The following ABHD18 variants were observed in gnomAD, a reference collection of about 807,000 sequenced individuals.
The protein encoded by ABHD18 is abhydrolase domain containing 18.
In ABHD18, 55 loss-of-function variants were observed where a neutral mutation model predicts 65.9. The ratio of observed to expected loss-of-function variants is 0.84; its 90% CI spans 0.67 to 1.05. The LOEUF (loss-of-function observed/expected upper bound fraction) is 1.05, where lower values mean the gene tolerates loss of function less well. Ranked by LOEUF, ABHD18 falls within the 50% of genes least tolerant of loss-of-function variation. The probability of loss-of-function intolerance (pLI) is 0.00; values close to 1 mark genes in which losing one functional copy is unlikely to be tolerated. For synonymous variants in ABHD18, 181 were observed against 180.2 expected, an observed-to-expected ratio of 1.00 and a Z score of -0.04; for missense variants, 533 against 558.5, an observed-to-expected ratio of 0.95 and a Z score of 0.46.
intron 12 of ABHD18, 45 bp downstream of exon 12, chr4:128,030,717 T>C: frequency 6.6e-7 from 1 of 1,505,414 alleles, no homozygotes; most frequent in Non-Finnish European, 8.8e-7. Context: ...TTGTTGTTTG[T>C]TTTCTGGATT....
At chr4:127,988,664 A>G (rs1328200928) in intron 3 of ABHD18, among the ~76,000 whole-genome samples, 1 of 152,250 alleles carries the variant, frequency 6.6e-6, no homozygotes, top group East Asian at 1.9e-4. Flanking sequence ...AACCAGGTAT[A>G]TGAAAAAAAT....
At chr4:127,993,129 T>G (rs894020058) in intron 4 of ABHD18, among the ~76,000 whole-genome samples, 1 of 152,142 alleles carries the variant, frequency 6.6e-6, no homozygotes, top group Non-Finnish European at 1.5e-5. Context: ...TTAGCCAGTA[T>G]GCTAAAGGAT....
intron 4 of ABHD18, among the ~76,000 whole-genome samples, chr4:127,998,324 C>G (rs1335450116): frequency 2.8e-5 from 4 of 144,002 alleles, no homozygotes; most frequent in Non-Finnish European, 6.0e-5. Flanking sequence ...GCTCTGTCGC[C>G]GAGGCTGGAG....
At chr4:127,992,678 G>A (rs1190343566) in intron 4 of ABHD18, among the ~76,000 whole-genome samples, 3 of 151,950 alleles carry the variant, frequency 2.0e-5, no homozygotes, top group Non-Finnish European at 4.4e-5. Context: ...AGTTGGGACT[G>A]TAGACTGATG....
rs1353183446 is a variant in ABHD18 at position 128,030,621 on chromosome 4, A to G, written c.1292A>G (p.Tyr431Cys). ...QEIWPGCEIRYLEGGHISAYL... is the reference protein window; with the variant it reads ...QEIWPGCEIRCLEGGHISAYL... ...ATTTGGCCTGGTTGTGAAATCCGAT[A>G]CTTAGAAGGGGGTCATATTAGTGCT... Residue 431 changes from tyrosine (Y) to cysteine (C), a missense_variant, in exon 12 of 13, where the codon TAC becomes TGC. Physicochemically the swap from Tyr to Cys is radical, Grantham distance 194. Coordinates refer to ENST00000645843, the MANE Select transcript of ABHD18 (RefSeq NM_001358451.3). 2.5e-6 allele frequency: 4 copies of G among 1,607,058 alleles called. No homozygotes were observed. The highest frequency in any genetic ancestry group is 3.4e-6 in the Non-Finnish European group (4 of 1,178,798).
intron 7 of ABHD18, among the ~76,000 whole-genome samples, chr4:128,013,420 G>A (rs755168341): frequency 1.1e-4 from 16 of 152,178 alleles, no homozygotes; most frequent in Non-Finnish European, 2.2e-4. Context: ...AAAGTTCTGG[G>A]CCGGGCGCAG....
In ABHD18 at chr4:128,039,472, A is replaced by C. The variant is rs1057435637; in HGVS notation, c.*3659A>C. On this transcript the variant is annotated 3_prime_UTR_variant, in exon 13 of 13. Coordinates refer to ENST00000645843, the MANE Select transcript of ABHD18 (RefSeq NM_001358451.3). ...TCCTGCTCAGCCCTGAAGACCTCTA[A>C]GTTTGAGACCCCTGATTTAGATCTG... 9.2e-5 allele frequency: 14 copies of C among 152,078 alleles called. No individual in the cohort carries two copies. The highest frequency in any genetic ancestry group is 5.9e-4 in the Admixed American group (9 of 15,220). 9.4% of individuals were successfully genotyped at this position (152,078 alleles called of 1,614,324 possible).
intron 3 of ABHD18, among the ~76,000 whole-genome samples, chr4:127,984,639 C>T (rs1036795371): frequency 6.6e-6 from 1 of 152,024 alleles, no homozygotes; most frequent in African/African-American, 2.4e-5. Context: ...GGGTGGATCA[C>T]CTGAGGTTGG....
At chr4:127,975,314 T>TC (rs1339443232) in intron 1 of ABHD18, among the ~76,000 whole-genome samples, 1 of 151,992 alleles carries the variant, frequency 6.6e-6, no homozygotes. Flanking sequence ...CCTTTTCCCA[T>TC]CCCCCCAGTA....
At chr4:127,984,038 AG>A (rs201174277) in intron 2 of ABHD18, among the ~76,000 whole-genome samples, 6,650 of 142,852 alleles carry the variant, frequency 0.047, 212 homozygotes, top group Non-Finnish European at 0.078. Context: ...CTCCGTCTCA[AG>A]GGGGAAAAAA....
At position 127,991,293 on chromosome 4, in the gene ABHD18, T is replaced by C. The variant is rs535101244; in HGVS notation, c.278+1472T>C. Among the ~76,000 whole-genome samples, 3 of 152,272 alleles carry C rather than the reference T, an allele frequency of 2.0e-5. No individual in the cohort carries two copies. In the South Asian group the frequency reaches 6.2e-4, roughly 32 times the overall value. ...GTTGCCTAGGCTAGATGGAGAGCAG[T>C]GGTGCTCACTGCACCCTCCGCCTCC... On this transcript the variant is annotated intron_variant, in intron 4 of 12. Coordinates refer to ENST00000645843, the MANE Select transcript of ABHD18 (RefSeq NM_001358451.3).
intron 1 of ABHD18, among the ~76,000 whole-genome samples, chr4:127,970,859 G>A (rs1434046089): frequency 6.6e-6 from 1 of 151,944 alleles, no homozygotes; most frequent in Non-Finnish European, 1.5e-5. Context: ...TGGATCACCT[G>A]AGGCCAGGAG....
intron 2 of ABHD18, 92 bp downstream of exon 2, chr4:127,983,139 C>A: frequency 1.3e-6 from 1 of 785,254 alleles, no homozygotes; most frequent in South Asian, 1.8e-5. Context: ...CTCTCAAATA[C>A]AGAGCAATTG....
At chr4:127,995,780 A>G (rs186156785) in intron 4 of ABHD18, among the ~76,000 whole-genome samples, 231 of 152,318 alleles carry the variant, frequency 1.5e-3, no homozygotes, top group Non-Finnish European at 2.7e-3. Context: ...GTTTTTGCCA[A>G]TATTTTAAAA....
intron 6 of ABHD18, among the ~76,000 whole-genome samples, chr4:128,010,922 A>C (rs1754423999): frequency 6.6e-6 from 1 of 151,436 alleles, no homozygotes; most frequent in South Asian, 2.1e-4. Flanking sequence ...AAAAAAAAAA[A>C]CCGTGGATAA....
intron 4 of ABHD18, among the ~76,000 whole-genome samples, chr4:128,004,955 G>A (rs749851674): frequency 7.3e-5 from 11 of 151,524 alleles, no homozygotes; most frequent in African/African-American, 1.9e-4. Flanking sequence ...GAGGCCAGGC[G>A]CAGTGGCTCA....
At chr4:128,011,730 T>C in intron 7 of ABHD18, 30 bp downstream of exon 7, 1 of 1,511,394 alleles carries the variant, frequency 6.6e-7, no homozygotes, top group Non-Finnish European at 8.9e-7. Context: ...ATTTTTGCAG[T>C]CTTTTTACCC....
At chr4:127,970,052 AT>A (rs940685749) in intron 1 of ABHD18, among the ~76,000 whole-genome samples, 161 of 144,616 alleles carry the variant, frequency 1.1e-3, no homozygotes, top group Non-Finnish European at 1.1e-3. Flanking sequence ...CCTGGCCAGG[AT>A]TTTTTTTTTT....
chr4:127,983,029 G>T lies in ABHD18; in HGVS notation c.74G>T (p.Arg25Met). ...AAACTTTTTATCAGAGGATGGGGAA[G>T]GCCAGAAGATCTCAAAAGGCAAGCA... ...LTKLFIRGWG[R>M]PEDLKRLFEF... The change falls in exon 2 of 13, where the codon AGG (arginine) becomes ATG (methionine). Residue 25 changes from arginine to methionine, a missense_variant. By Grantham distance (91) the Arg-to-Met change is moderately conservative (BLOSUM62 -1). This residue lies in a region of ABHD18 where 309 missense variants were observed against 313.5 expected (regional missense o/e 0.99). Coordinates refer to ENST00000645843, the MANE Select transcript of ABHD18 (RefSeq NM_001358451.3). The T allele has an allele frequency of 6.4e-7, 1 of 1,557,614 alleles. No individual in the cohort carries two copies.
Sources: allele counts gnomAD v4.1 joint callset (sites outside exome capture counted in the v4.1 genomes callset), GRCh38; gene constraint gnomAD v4.1.1; regional missense constraint gnomAD v4.1.1; transcripts MANE v1.5; gene names NCBI Gene and HGNC (gene_info 2026-07-23, HGNC 2026-07-21).